The following CCDC88C variants were observed in gnomAD, a reference collection of about 807,000 sequenced individuals.
The protein encoded by CCDC88C is coiled-coil and HOOK domain protein 88C.
Under a neutral mutation model 198.8 loss-of-function variants are expected in CCDC88C, and 131 were observed. The observed-to-expected ratio is 0.66, with a 90% CI of 0.57 to 0.76. CCDC88C has a LOEUF of 0.76. Among genes scored for constraint, CCDC88C ranks in the 30% least tolerant of loss-of-function variants. The pLI is 0.00. For synonymous variants in CCDC88C, 1,166 were observed against 1,114.7 expected, an observed-to-expected ratio of 1.05 and a Z score of -0.92; for missense variants, 2,553 against 2,631.6, an observed-to-expected ratio of 0.97 and a Z score of 0.65.
At position 91,273,139 on chromosome 14, in the gene CCDC88C, C is replaced by T. The variant is rs775757498; in HGVS notation, c.5573G>A (p.Arg1858Gln). The change falls in exon 30 of 30, where the codon CGG becomes CAG. Residue 1858 changes from arginine to glutamine, a missense_variant. Arg to Gln is a conservative substitution (Grantham distance 43, BLOSUM62 1). Transcript: ENST00000389857. This position sits in a 1 kb window ranked among gnomAD's most constrained non-coding sequence, Gnocchi z 5.6. The stretch of plus-strand genomic sequence containing the variant: ...CTTTCCCACAAGTGGGGTCCGCTCC[C>T]GGGCCAGGCTATGGGAGCTGGGGGG... ...PAPPSSHSLA[R>Q]ERTPLVGKAG... The T allele has an allele frequency of 4.2e-5, 67 of 1,578,534 alleles. No homozygotes were observed. Among genetic ancestry groups the T allele is most frequent in the African/African-American group, 1.8e-4 (13 of 74,264 alleles).
intron 3 of CCDC88C, chr14:91,384,493 C>G: frequency 1.9e-6 from 1 of 524,398 alleles, no homozygotes; most frequent in Non-Finnish European, 3.9e-6. Context: ...CTCATCTCCT[C>G]CTTCTTCCCC....
intron 29 of CCDC88C, among the ~76,000 whole-genome samples, chr14:91,276,021 C>T (rs377408619): frequency 2.6e-5 from 4 of 151,518 alleles, no homozygotes; most frequent in African/African-American, 9.7e-5. Context: ...GGGGTTTCAC[C>T]GTGTTAGCCA....
intron 6 of CCDC88C, among the ~76,000 whole-genome samples, chr14:91,341,267 T>C (rs1257090193): frequency 6.6e-6 from 1 of 152,152 alleles, no homozygotes; most frequent in Non-Finnish European, 1.5e-5. Flanking sequence ...CTTGGACATC[T>C]CGGGGCCTCT....
intron 15 of CCDC88C, among the ~76,000 whole-genome samples, chr14:91,311,073 G>A (rs1404669466): frequency 3.9e-5 from 6 of 152,168 alleles, no homozygotes; most frequent in Admixed American, 2.0e-4. Flanking sequence ...CATGGCAACC[G>A]CCCAAGCCTG....
intron 22 of CCDC88C, among the ~76,000 whole-genome samples, chr14:91,295,662 C>A (rs1890970636): frequency 6.6e-6 from 1 of 152,212 alleles, no homozygotes; most frequent in Admixed American, 6.5e-5. Context: ...ATATGGGCTC[C>A]TGGAGAGAGG....
intron 3 of CCDC88C, among the ~76,000 whole-genome samples, chr14:91,382,898 C>G (rs1024063128): frequency 1.3e-5 from 2 of 152,166 alleles, no homozygotes; most frequent in Non-Finnish European, 2.9e-5. Context: ...TCACAGGCCC[C>G]GGAAATCTGA....
intron 13 of CCDC88C, among the ~76,000 whole-genome samples, chr14:91,317,102 G>A (rs1280973728): frequency 2.6e-5 from 4 of 152,200 alleles, no homozygotes; most frequent in Admixed American, 1.3e-4. Flanking sequence ...TAAAAATAAG[G>A]ATTCTTTTTC....
At chr14:91,359,199 C>G (rs1894186848) in intron 4 of CCDC88C, among the ~76,000 whole-genome samples, 1 of 126,036 alleles carries the variant, frequency 7.9e-6, no homozygotes, top group Non-Finnish European at 1.6e-5. Context: ...CAGTCTTGCT[C>G]TGTGCCCAGG....
At chr14:91,296,320 C>A (rs1412327006) in intron 22 of CCDC88C, among the ~76,000 whole-genome samples, 1 of 152,256 alleles carries the variant, frequency 6.6e-6, no homozygotes, top group Non-Finnish European at 1.5e-5. Context: ...CAAATCAGTC[C>A]TTCCCATGCA....
In CCDC88C at chr14:91,273,662, AAG is replaced by A. The variant is rs762800401; in HGVS notation, c.5059-11_5059-10del. The A allele has an allele frequency of 3.7e-5, 54 of 1,450,688 alleles. No homozygotes were observed. The highest frequency in any genetic ancestry group is 7.8e-5 in the Admixed American group (3 of 38,632). 89.9% of individuals were successfully genotyped at this position (1,450,688 alleles called of 1,614,324 possible). On this transcript the variant is annotated splice_polypyrimidine_tract_variant and intron_variant, in intron 29 of 29. Coordinates refer to ENST00000389857, the MANE Select transcript of CCDC88C (RefSeq NM_001080414.4). The surrounding 1 kb of genome is among the most constrained non-coding windows in gnomAD (Gnocchi z 5.6). ...CGGCAACTGGGAGTGTCCTACGGAGAAGAGAGTGAAGGTTGGAGGTGGGCATG... is the reference window on the plus strand; with the variant it reads ...CGGCAACTGGGAGTGTCCTACGGAGAAGAGTGAAGGTTGGAGGTGGGCATG...
At chr14:91,355,947 C>T (rs1441742070) in intron 4 of CCDC88C, among the ~76,000 whole-genome samples, 1 of 152,002 alleles carries the variant, frequency 6.6e-6, no homozygotes, top group Admixed American at 6.5e-5. Flanking sequence ...TTACCCCAAA[C>T]TATAAAACGT....
chr14:91,366,268 C>T lies in CCDC88C; in HGVS notation c.271-6557G>A, dbSNP rs529715612. On this transcript the variant is annotated intron_variant, in intron 3 of 29. Coordinates refer to ENST00000389857, the MANE Select transcript of CCDC88C (RefSeq NM_001080414.4). ...TGGGAGGCCAAGGCGAGCGGGTCAC[C>T]TGAGGTCAGGAGTTCAAGACCAGCC... is the stretch of plus-strand genomic sequence containing the variant. Among the ~76,000 whole-genome samples, 4 of 151,864 alleles carry T rather than the reference C, an allele frequency of 2.6e-5. No individual in the cohort carries two copies. In the East Asian group the frequency reaches 7.8e-4, roughly 30 times the overall value.
At chr14:91,356,507 T>C (rs1894045419) in intron 4 of CCDC88C, among the ~76,000 whole-genome samples, 3 of 152,160 alleles carry the variant, frequency 2.0e-5, no homozygotes, top group Non-Finnish European at 2.9e-5. Flanking sequence ...GGGCTGATTA[T>C]ATACCACGGG....
At chr14:91,292,072 TC>T (rs1890684918) in intron 23 of CCDC88C, among the ~76,000 whole-genome samples, 2 of 152,108 alleles carry the variant, frequency 1.3e-5, no homozygotes, top group Non-Finnish European at 2.9e-5. Context: ...AGGTAACAGC[TC>T]ATTCTCGAAG....
At chr14:91,397,304 A>C (rs1885904357) in intron 3 of CCDC88C, among the ~76,000 whole-genome samples, 1 of 152,162 alleles carries the variant, frequency 6.6e-6, no homozygotes, top group African/African-American at 2.4e-5. Flanking sequence ...TGAAAGCAAG[A>C]CTCCTGAGCC....
chr14:91,380,242 G>A (rs986435512), intron 3 of CCDC88C, among the ~76,000 whole-genome samples: 1 of 152,164 alleles, frequency 6.6e-6, no homozygotes, highest in Non-Finnish European at 1.5e-5. Context: ...CGGCTATCTT[G>A]GGGCGGCTGG....
At chr14:91,397,448 ACACT>A (rs879060622) in intron 3 of CCDC88C, among the ~76,000 whole-genome samples, 35 of 152,306 alleles carry the variant, frequency 2.3e-4, no homozygotes, top group South Asian at 1.2e-3. Flanking sequence ...GTACACACAC[ACACT>A]CACACACACT....
chr14:91,373,872 CCT>C (rs567285906), intron 3 of CCDC88C, among the ~76,000 whole-genome samples: 266 of 152,346 alleles, frequency 1.7e-3, no homozygotes, highest in African/African-American at 6.3e-3. Flanking sequence ...CTGACAAAAT[CCT>C]CTCTGTCCAG....
At position 91,278,232 on chromosome 14, in the gene CCDC88C, C is replaced by CA; in HGVS notation, c.4769-22dup. 3 of 1,573,310 alleles carry CA rather than the reference C, an allele frequency of 1.9e-6. No individual in the cohort carries two copies. The South Asian group carries it at 3.5e-5, about 18-fold the overall frequency. ...GGAGCCTGGGTGTCAGGGCAGGAGA[C>CA]AGAGGACCCTCATCAGTCTTGGCAG... On this transcript the variant is annotated intron_variant, in intron 28 of 29. Coordinates refer to ENST00000389857, the MANE Select transcript of CCDC88C (RefSeq NM_001080414.4).
Sources: gnomAD v4.1 joint callset for allele counts (sites outside exome capture counted in the v4.1 genomes callset) on GRCh38, gnomAD v4.1.1 for gene constraint, Gnocchi (gnomAD v3.1) non-coding constraint, MANE v1.5 for transcripts, NCBI Gene and HGNC (gene_info 2026-07-23, HGNC 2026-07-21) for gene names.